The following SPOCK3 variants were observed in gnomAD, a reference collection of about 807,000 sequenced individuals.
The protein encoded by SPOCK3 is testican-3.
In SPOCK3, 30 loss-of-function variants were observed where a neutral mutation model predicts 56.6. That is an observed-to-expected ratio of 0.53 (90% confidence interval 0.40 to 0.72). SPOCK3 has a LOEUF of 0.72. SPOCK3 is among the 30% of genes least tolerant of loss of function. SPOCK3 has a pLI of 0.00. For synonymous variants in SPOCK3, 196 were observed against 183.3 expected (o/e 1.07, Z -0.56); for missense variants, 527 against 530.0 (o/e 0.99, Z 0.06).
intron 2 of SPOCK3, among the ~76,000 whole-genome samples, chr4:167,197,938 CT>C (rs1391816180): frequency 1.3e-5 from 2 of 152,140 alleles, no homozygotes; most frequent in African/African-American, 4.8e-5. Context: ...CAATGTGTGG[CT>C]TTGCAACATT....
chr4:166,811,974 T>C (rs1384696913), intron 6 of SPOCK3, among the ~76,000 whole-genome samples: 2 of 151,860 alleles, frequency 1.3e-5, no homozygotes, highest in Non-Finnish European at 2.9e-5. Context: ...TAAGCCATAG[T>C]CAACTCTCAG....
At chr4:167,139,351 T>G (rs1426489030) in intron 2 of SPOCK3, among the ~76,000 whole-genome samples, 1 of 151,912 alleles carries the variant, frequency 6.6e-6, no homozygotes, top group Non-Finnish European at 1.5e-5. Context: ...AAAAGAAATA[T>G]ACAAAAAAAA....
At chr4:167,120,835 A>T (rs1445356297) in intron 2 of SPOCK3, among the ~76,000 whole-genome samples, 1 of 152,036 alleles carries the variant, frequency 6.6e-6, no homozygotes, top group African/African-American at 2.4e-5. Flanking sequence ...TTATTTTAAA[A>T]TCTATAACCT....
intron 6 of SPOCK3, among the ~76,000 whole-genome samples, chr4:166,875,309 A>G (rs1169508130): frequency 6.6e-6 from 1 of 152,084 alleles, no homozygotes; most frequent in African/African-American, 2.4e-5. Context: ...AGTAGGTGTG[A>G]TATTTTTGTC....
chr4:167,208,185 A>G (rs1482848237), intron 2 of SPOCK3, among the ~76,000 whole-genome samples: 2 of 152,122 alleles, frequency 1.3e-5, no homozygotes, highest in Non-Finnish European at 2.9e-5. Context: ...TTTGTCTTTG[A>G]ATCACCATTG....
intron 3 of SPOCK3, among the ~76,000 whole-genome samples, 165 bp downstream of exon 3, chr4:167,062,327 A>C (rs1755687632): frequency 6.6e-6 from 1 of 151,840 alleles, no homozygotes. Flanking sequence ...CTTACTTCTA[A>C]AAATATTATG....
chr4:167,004,443 A>G (rs998643788), intron 3 of SPOCK3, among the ~76,000 whole-genome samples: 1 of 152,190 alleles, frequency 6.6e-6, no homozygotes, highest in Non-Finnish European at 1.5e-5. Flanking sequence ...AACACTGAAC[A>G]GGGAGATGGA....
At chr4:167,159,421 C>T (rs1765090098) in intron 2 of SPOCK3, among the ~76,000 whole-genome samples, 1 of 151,900 alleles carries the variant, frequency 6.6e-6, no homozygotes. Flanking sequence ...AGATGCCCTC[C>T]CTATAACCGG....
chr4:166,918,419 CCCA>C (rs1364817474), intron 4 of SPOCK3: 2 of 151,994 alleles, frequency 1.3e-5, no homozygotes, highest in Non-Finnish European at 2.9e-5. Flanking sequence ...ACTAACCAGG[CCCA>C]GCCCTGCTTA....
chr4:167,205,190 T>A (rs1338570285), intron 2 of SPOCK3, among the ~76,000 whole-genome samples: 44 of 104,734 alleles, frequency 4.2e-4, no homozygotes, highest in African/African-American at 1.4e-3. Context: ...TATAGATATT[T>A]TATATCTATA....
At chr4:166,822,243 T>A (rs1745008806) in intron 6 of SPOCK3, among the ~76,000 whole-genome samples, 1 of 152,026 alleles carries the variant, frequency 6.6e-6, no homozygotes, top group Non-Finnish European at 1.5e-5. Context: ...TCTGCCTTCT[T>A]ATCCTTGTTT....
chr4:167,056,023 C>T (rs1167810889), intron 3 of SPOCK3, among the ~76,000 whole-genome samples: 6 of 152,132 alleles, frequency 3.9e-5, no homozygotes, highest in African/African-American at 9.7e-5. Context: ...TGACAGCAGA[C>T]CCCCAAGCAG....
At chr4:167,012,926 A>G (rs1294211997) in intron 3 of SPOCK3, among the ~76,000 whole-genome samples, 1 of 152,012 alleles carries the variant, frequency 6.6e-6, no homozygotes, top group African/African-American at 2.4e-5. Flanking sequence ...GCAACTGAGC[A>G]GCATAGAAAG....
chr4:166,824,118 C>A (rs906489418), intron 6 of SPOCK3, among the ~76,000 whole-genome samples: 1 of 151,996 alleles, frequency 6.6e-6, no homozygotes, highest in Admixed American at 6.6e-5. Flanking sequence ...TAGATAGTGA[C>A]CCCTGGGAGC....
At chr4:166,843,239 G>T (rs900345702) in intron 6 of SPOCK3, among the ~76,000 whole-genome samples, 5 of 152,228 alleles carry the variant, frequency 3.3e-5, no homozygotes, top group African/African-American at 1.2e-4. Context: ...GGCTCCCACA[G>T]GGCAGAGGTG....
chr4:166,740,581 G>C (rs962826551), intron 9 of SPOCK3, among the ~76,000 whole-genome samples: 1 of 150,818 alleles, frequency 6.6e-6, no homozygotes, highest in African/African-American at 2.4e-5. Flanking sequence ...GCTGGTGTAC[G>C]GTGGTGCCAT....
At chr4:166,960,302 A>T (rs1337867594) in intron 4 of SPOCK3, among the ~76,000 whole-genome samples, 1 of 152,208 alleles carries the variant, frequency 6.6e-6, no homozygotes, top group Non-Finnish European at 1.5e-5. Flanking sequence ...GATGGTAGGT[A>T]TCACTCATAT....
At chr4:166,789,952 A>G (rs1382233401) in intron 7 of SPOCK3, among the ~76,000 whole-genome samples, 2 of 152,288 alleles carry the variant, frequency 1.3e-5, no homozygotes, top group Admixed American at 6.5e-5. Context: ...TTTCTCACAG[A>G]AATAAAAGCA....
At chr4:166,871,140 C>T (rs1000475144) in intron 6 of SPOCK3, among the ~76,000 whole-genome samples, 7 of 151,784 alleles carry the variant, frequency 4.6e-5, no homozygotes, top group African/African-American at 1.7e-4. Context: ...AATACAATTC[C>T]ACCTCAAGAG....
Sources: allele counts gnomAD v4.1 joint callset (sites outside exome capture counted in the v4.1 genomes callset), GRCh38; gene constraint gnomAD v4.1.1; transcripts MANE v1.5; gene names NCBI Gene and HGNC (gene_info 2026-07-23, HGNC 2026-07-21).